The following ZFP1 variants were observed in gnomAD, a reference collection of about 807,000 sequenced individuals.
ZFP1 encodes the protein zinc finger protein 1 homolog.
Under a neutral mutation model 38.5 loss-of-function variants are expected in ZFP1, and 32 were observed. The observed-to-expected ratio is 0.83, with a 90% CI of 0.63 to 1.12. The LOEUF (loss-of-function observed/expected upper bound fraction) is 1.12, where lower values mean the gene tolerates loss of function less well. ZFP1 is among the 50% of genes most tolerant of loss of function. The pLI, the probability that ZFP1 is intolerant of heterozygous loss-of-function variation, is 0.00. For synonymous variants in ZFP1, 245 were observed against 168.8 expected (o/e 1.45, Z -3.50); for missense variants, 616 against 480.8 (o/e 1.28, Z -2.63).
chr16:75,133,822 G>A, the ZFP1 span, among the ~76,000 whole-genome samples: 5 of 152,316 alleles, frequency 3.3e-5, no homozygotes, highest in East Asian at 1.9e-4. Context: ...GCTGAGGCGG[G>A]TGGATCACTT....
At chr16:75,150,608 GTTTGTTTTTGTATTGTATTTTTGTTTCAT>G in intron 1 of ZFP1, among the ~76,000 whole-genome samples, 1 of 152,046 alleles carries the variant, frequency 6.6e-6, no homozygotes, top group Non-Finnish European at 1.5e-5. Flanking sequence ...ATTTGTTGTG[GTTTGTTTTTGTATTGTATTTTTGTTTCAT>G]TTTGTTTTAG....
intron 2 of ZFP1, 98 bp from the exon 3 acceptor site, chr16:75,166,672 A>G (rs575804076): frequency 1.8e-4 from 294 of 1,596,098 alleles, no homozygotes; most frequent in Non-Finnish European, 2.4e-4. Flanking sequence ...CGTTGGTGTA[A>G]TATATAGATT....
intron 1 of ZFP1, among the ~76,000 whole-genome samples, chr16:75,151,129 G>A (rs1567522286): frequency 1.3e-5 from 2 of 151,674 alleles, no homozygotes; most frequent in African/African-American, 2.4e-5. Flanking sequence ...AAAGTGCTGG[G>A]TTTACAGGCA....
At chr16:75,148,751 G>T (rs919223194) in intron 1 of ZFP1, 108 bp downstream of exon 1, 1 of 152,290 alleles carries the variant, frequency 6.6e-6, no homozygotes, top group Non-Finnish European at 1.5e-5. Flanking sequence ...TCGGCTACTC[G>T]TAGGCGGCAG....
chr16:75,136,926 A>T, the ZFP1 span, among the ~76,000 whole-genome samples: 1 of 152,132 alleles, frequency 6.6e-6, no homozygotes, highest in Non-Finnish European at 1.5e-5. Context: ...ATGTATATGC[A>T]CACCTTAGTA....
intron 2 of ZFP1, among the ~76,000 whole-genome samples, chr16:75,161,774 A>ATATATATATATTTT (rs1555523101): frequency 3.8e-4 from 3 of 7,818 alleles, no homozygotes; most frequent in African/African-American, 7.8e-4. Context: ...ATATATATAT[A>ATATATATATATTTT]TTTTTTTTTT....
chr16:75,159,313 T>C (rs1475298657), intron 2 of ZFP1, among the ~76,000 whole-genome samples: 16 of 5,598 alleles, frequency 2.9e-3, no homozygotes, highest in East Asian at 0.023. Context: ...CCTTCCCTCC[T>C]TTCCCTCCTT....
the ZFP1 span, among the ~76,000 whole-genome samples, chr16:75,123,568 G>T: frequency 5.5e-5 from 8 of 146,710 alleles, no homozygotes; most frequent in Non-Finnish European, 1.1e-4. Context: ...GTGCAGTGGT[G>T]CAGGGTTCAA....
At chr16:75,129,615 G>T in the ZFP1 span, among the ~76,000 whole-genome samples, 1 of 152,118 alleles carries the variant, frequency 6.6e-6, no homozygotes, top group East Asian at 1.9e-4. Flanking sequence ...ACTTCTAGTT[G>T]TCCCGCCTCT....
chr16:75,136,825 C>T, the ZFP1 span, among the ~76,000 whole-genome samples: 1 of 151,850 alleles, frequency 6.6e-6, no homozygotes, highest in African/African-American at 2.4e-5. Flanking sequence ...GAGCTATGGT[C>T]GTGACACTGT....
chr16:75,131,506 C>T, the ZFP1 span, among the ~76,000 whole-genome samples: 1 of 152,154 alleles, frequency 6.6e-6, no homozygotes, highest in Non-Finnish European at 1.5e-5. Context: ...CAACGATCTA[C>T]CTACCCTCGT....
chr16:75,121,401 A>G, the ZFP1 span, among the ~76,000 whole-genome samples: 1 of 152,170 alleles, frequency 6.6e-6, no homozygotes, highest in Non-Finnish European at 1.5e-5. Flanking sequence ...TTGGGATTAC[A>G]GGAATGAACC....
intron 2 of ZFP1, among the ~76,000 whole-genome samples, chr16:75,166,020 C>T (rs1423947428): frequency 6.6e-6 from 1 of 152,078 alleles, no homozygotes; most frequent in South Asian, 2.1e-4. Flanking sequence ...AATTTTCTAC[C>T]ATTTTTATGG....
intron 1 of ZFP1, among the ~76,000 whole-genome samples, chr16:75,151,731 C>T (rs895534609): frequency 6.6e-6 from 1 of 151,842 alleles, no homozygotes; most frequent in Non-Finnish European, 1.5e-5. Context: ...TGATTAAAAG[C>T]AAGAAAAAGT....
the ZFP1 span, among the ~76,000 whole-genome samples, chr16:75,122,823 C>T: frequency 6.6e-6 from 1 of 152,168 alleles, no homozygotes; most frequent in African/African-American, 2.4e-5. Context: ...ACAAGAACAG[C>T]TTGGAGGTTA....
At chr16:75,164,145 CTTTG>C (rs2037933978) in intron 2 of ZFP1, among the ~76,000 whole-genome samples, 1 of 152,094 alleles carries the variant, frequency 6.6e-6, no homozygotes, top group African/African-American at 2.4e-5. Context: ...GGCTTTGTTA[CTTTG>C]TTTATATTTT....
chr16:75,139,093 G>C, the ZFP1 span, among the ~76,000 whole-genome samples: 1 of 152,046 alleles, frequency 6.6e-6, no homozygotes, highest in South Asian at 2.1e-4. Context: ...AGCTGGGCTG[G>C]GCGCGGCAGC....
At chr16:75,166,745 G>A (rs776203200) in intron 2 of ZFP1, 25 bp from the exon 3 acceptor site, 7 of 1,614,080 alleles carry the variant, frequency 4.3e-6, no homozygotes, top group Non-Finnish European at 5.1e-6. Context: ...ATCATCTTAG[G>A]ATGAATAACA....
At chr16:75,134,125 T>C in the ZFP1 span, among the ~76,000 whole-genome samples, 2 of 152,166 alleles carry the variant, frequency 1.3e-5, no homozygotes, top group Admixed American at 6.5e-5. Context: ...TTGAAAGGTA[T>C]AGGATTTCTT....
Sources: gnomAD v4.1 joint callset for allele counts (sites outside exome capture counted in the v4.1 genomes callset) on GRCh38, gnomAD v4.1.1 for gene constraint, MANE v1.5 for transcripts, NCBI Gene and HGNC (gene_info 2026-07-23, HGNC 2026-07-21) for gene names.